TSPAN5: variants seen among roughly 807,000 people sequenced by gnomAD.
The protein encoded by TSPAN5 is tetraspanin-5.
In TSPAN5, 10 loss-of-function variants were observed where a neutral mutation model predicts 37.1. The observed-to-expected ratio is 0.27, with a 90% CI of 0.17 to 0.46. The LOEUF (loss-of-function observed/expected upper bound fraction) is 0.46, where lower values mean the gene tolerates loss of function less well. Ranked by LOEUF, TSPAN5 falls within the 20% of genes least tolerant of loss-of-function variation. TSPAN5 has a pLI of 1.00. For missense variants in TSPAN5, 195 were observed against 326.6 expected (o/e 0.60, Z 3.11); for synonymous variants, 110 against 118.9 (o/e 0.93, Z 0.48).
In TSPAN5 at chr4:98,536,819, T is replaced by G. The variant is rs536768881; in HGVS notation, c.82-29091A>C. The stretch of plus-strand genomic sequence containing the variant: ...GAATGTAAAACCACCTACTCAAGCC[T>G]CAGCAATGGCGGACGCCCCTCCCCC... On this transcript the variant is annotated intron_variant, in intron 1 of 7. Transcript: ENST00000305798. Among the ~76,000 whole-genome samples the G allele has an allele frequency of 8.5e-5, 13 of 152,292 alleles. 1 individual carries two copies. The East Asian group carries it at 2.3e-3, about 27-fold the overall frequency.
At chr4:98,559,955 C>T (rs1364499109) in intron 1 of TSPAN5, among the ~76,000 whole-genome samples, 1 of 152,200 alleles carries the variant, frequency 6.6e-6, no homozygotes, top group African/African-American at 2.4e-5. Context: ...GAATTTCCAC[C>T]AACATATAAC....
At chr4:98,634,412 C>T (rs1195881290) in intron 1 of TSPAN5, among the ~76,000 whole-genome samples, 2 of 152,178 alleles carry the variant, frequency 1.3e-5, no homozygotes, top group Non-Finnish European at 2.9e-5. Context: ...AGACTGTTAC[C>T]TCCCAAATTT....
intron 1 of TSPAN5, among the ~76,000 whole-genome samples, chr4:98,606,537 C>T (rs1333588020): frequency 6.6e-6 from 1 of 152,184 alleles, no homozygotes; most frequent in African/African-American, 2.4e-5. Context: ...TCCCCTCATC[C>T]TCCACCCTAC....
chr4:98,618,756 T>C (rs1323662192), intron 1 of TSPAN5, among the ~76,000 whole-genome samples: 2 of 152,192 alleles, frequency 1.3e-5, no homozygotes, highest in Non-Finnish European at 2.9e-5. Flanking sequence ...AAAACTGCAT[T>C]TTAATTTAGT....
At chr4:98,555,465 T>A (rs1754719846) in intron 1 of TSPAN5, among the ~76,000 whole-genome samples, 1 of 152,312 alleles carries the variant, frequency 6.6e-6, no homozygotes. Context: ...TCCCCCCTCA[T>A]ATTACTAACC....
chr4:98,476,810 A>C (rs1321614309), intron 5 of TSPAN5, among the ~76,000 whole-genome samples: 1 of 152,212 alleles, frequency 6.6e-6, no homozygotes, highest in Non-Finnish European at 1.5e-5. Flanking sequence ...AAAAACATAA[A>C]GGGCACAGTG....
chr4:98,530,809 A>T (rs985544300), intron 1 of TSPAN5, among the ~76,000 whole-genome samples: 6 of 152,166 alleles, frequency 3.9e-5, no homozygotes, highest in African/African-American at 1.4e-4. Context: ...TGGCAAGACC[A>T]TAGCTCACTG....
rs137959178 is a variant in TSPAN5 at position 98,622,049 on chromosome 4, C to T, written c.81+36097G>A. Reference sequence around the variant, plus strand: ...TATCTGAGCTGTTTCTACTTTGGGGCTATTATGAGTAATGCTGCTATTGAA... The same window carrying T: ...TATCTGAGCTGTTTCTACTTTGGGGTTATTATGAGTAATGCTGCTATTGAA... On this transcript the variant is annotated intron_variant, in intron 1 of 7. Transcript: ENST00000305798. 6.5e-3 allele frequency among the ~76,000 whole-genome samples: 992 copies of T among 152,222 alleles called. 26 individuals are homozygous for T. The highest frequency in any genetic ancestry group is 0.029 in the East Asian group (151 of 5,166).
chr4:98,494,555 G>C (rs1384234237), intron 2 of TSPAN5, among the ~76,000 whole-genome samples: 1 of 151,818 alleles, frequency 6.6e-6, no homozygotes, highest in African/African-American at 2.4e-5. Context: ...GTTATTATGA[G>C]GATGATGGAA....
chr4:98,585,098 G>T (rs528024014), intron 1 of TSPAN5, among the ~76,000 whole-genome samples: 5 of 152,274 alleles, frequency 3.3e-5, no homozygotes, highest in African/African-American at 1.2e-4. Flanking sequence ...CACTAGATCT[G>T]CAGTCAAAAA....
rs1212942248 is a variant in TSPAN5, at chr4:98,471,961, C to T, written c.*561G>A. The T allele has an allele frequency of 6.6e-6, 1 of 152,230 alleles. No individual in the cohort carries two copies. The highest frequency in any genetic ancestry group is 1.5e-5 in the Non-Finnish European group (1 of 68,110). The allele number at this position is 152,230 out of a possible 1,614,324, so 9.4% of individuals were successfully genotyped here. A position where few individuals can be genotyped will look rare whatever the true frequency, so the allele number is the denominator to read the frequency against. On this transcript the variant is annotated 3_prime_UTR_variant, in exon 8 of 8. Transcript: ENST00000305798. ...CTCGCCCAAGTGACTTGCTGAATAC[C>T]ATCACAAAATCTGAACCCAAAGATG...
intron 1 of TSPAN5, among the ~76,000 whole-genome samples, chr4:98,547,750 T>C (rs940027660): frequency 6.6e-6 from 1 of 152,226 alleles, no homozygotes; most frequent in African/African-American, 2.4e-5. Flanking sequence ...CTCACGCCTG[T>C]AATCCCAGCA....
chr4:98,582,130 A>C (rs1469578197), intron 1 of TSPAN5, among the ~76,000 whole-genome samples: 2 of 152,332 alleles, frequency 1.3e-5, no homozygotes, highest in Admixed American at 1.3e-4. Context: ...TAAACAGAGT[A>C]CTAAGTGAAA....
chr4:98,544,066 G>T (rs528851070), intron 1 of TSPAN5, among the ~76,000 whole-genome samples: 3 of 152,146 alleles, frequency 2.0e-5, no homozygotes, highest in African/African-American at 7.2e-5. Context: ...TGTAGTCCTA[G>T]CTACTCGGGA....
chr4:98,639,863 A>C (rs1463841980), intron 1 of TSPAN5, among the ~76,000 whole-genome samples: 1 of 152,188 alleles, frequency 6.6e-6, no homozygotes, highest in Non-Finnish European at 1.5e-5. Flanking sequence ...AGAAATCTTT[A>C]CTTAGTTAAG....
chr4:98,478,626 C>T, intron 5 of TSPAN5, 59 bp downstream of exon 5: 5 of 1,608,750 alleles, frequency 3.1e-6, no homozygotes, highest in Non-Finnish European at 3.4e-6. Flanking sequence ...CTGCTCGTCC[C>T]ATGCACACTC....
Position 98,534,195 on chromosome 4 carries a change from CAG to C in TSPAN5, c.82-26469_82-26468del, listed in dbSNP as rs1428518333. ...TCTGCACACTGCTTTAAATGTGTCC[CAG>C]AGAGTCTGGTATGTTGTGTCTTTGT... On this transcript the variant is annotated intron_variant, in intron 1 of 7. Transcript: ENST00000305798. Among the ~76,000 whole-genome samples the C allele has an allele frequency of 2.0e-5, 3 of 152,044 alleles. No individual in the cohort carries two copies. The East Asian group carries it at 5.8e-4, about 29-fold the overall frequency.
In TSPAN5 at chr4:98,472,586, A is replaced by G. The variant is rs777758635; in HGVS notation, c.743T>C (p.Ile248Thr). Residue 248 changes from isoleucine (I) to threonine (T), a missense_variant and splice_region_variant, in exon 8 of 8, where the codon ATA becomes ACA. Physicochemically the swap from Ile to Thr is moderately conservative, Grantham distance 89 (BLOSUM62 -1). Transcript: ENST00000305798. Reference sequence around the variant, plus strand: ...ATTCTGGGCCAGGCATATCCCAAATATCTGAGAAAGGAAGAAAATGTGAGT... The same window carrying G: ...ATTCTGGGCCAGGCATATCCCAAATGTCTGAGAAAGGAAGAAAATGTGAGT... Reference protein sequence around the residue: ...GIFIGIALLQIFGICLAQNLV... With the variant: ...GIFIGIALLQTFGICLAQNLV... 6.2e-7 allele frequency: 1 copy of G among 1,613,474 alleles called. No homozygotes were observed. Among genetic ancestry groups the G allele is most frequent in the South Asian group, 1.1e-5 (1 of 91,008 alleles).
intron 1 of TSPAN5, among the ~76,000 whole-genome samples, chr4:98,545,297 CT>C (rs1353376430): frequency 5.3e-5 from 8 of 152,202 alleles, no homozygotes; most frequent in Admixed American, 4.6e-4. Context: ...CTGCTGATAC[CT>C]TCAGAGCAAC....
Sources: allele counts gnomAD v4.1 joint callset (sites outside exome capture counted in the v4.1 genomes callset), GRCh38; gene constraint gnomAD v4.1.1; transcripts MANE v1.5; gene names NCBI Gene and HGNC (gene_info 2026-07-23, HGNC 2026-07-21).